FGD4: variants seen among roughly 807,000 people sequenced by gnomAD.
FGD4 encodes FYVE, RhoGEF and PH domain containing 4, also known as FYVE, RhoGEF and PH domain-containing protein 4.
In FGD4, 42 loss-of-function variants were observed where a neutral mutation model predicts 102.0. The observed-to-expected ratio is 0.41, with a 90% CI of 0.32 to 0.53. FGD4 has a LOEUF of 0.53. Ranked by LOEUF, FGD4 falls within the 20% of genes least tolerant of loss-of-function variation. The pLI, the probability that FGD4 is intolerant of heterozygous loss-of-function variation, is 0.21. For synonymous variants in FGD4, 380 were observed against 375.7 expected (o/e 1.01, Z -0.13); for missense variants, 902 against 1,078.2 (o/e 0.84, Z 2.29).
At position 32,526,649 on chromosome 12, in the gene FGD4, C is replaced by G. The variant is rs182073202; in HGVS notation, c.167-37488C>G. Among the ~76,000 whole-genome samples the G allele has an allele frequency of 1.2e-4, 18 of 152,334 alleles. No individual in the cohort carries two copies. In the East Asian group the frequency reaches 2.9e-3, roughly 24 times the overall value. ...CAACCTGCTCAGGTCCCCTTCCACA[C>G]TGTGGGAGCTTTGTTCTTTCGCTAT... On this transcript the variant is annotated intron_variant, in intron 1 of 16. Transcript: ENST00000534526.
chr12:32,607,688 T>C (rs867902026), intron 7 of FGD4, among the ~76,000 whole-genome samples: 18 of 152,228 alleles, frequency 1.2e-4, no homozygotes, highest in African/African-American at 2.9e-4. Flanking sequence ...CTAATTTTTG[T>C]ATTTTTAGTA....
intron 7 of FGD4, among the ~76,000 whole-genome samples, chr12:32,603,837 G>A (rs1345513684): frequency 6.6e-6 from 1 of 151,962 alleles, no homozygotes; most frequent in African/African-American, 2.4e-5. Flanking sequence ...CAGGTAGCTG[G>A]GACTACAGGC....
At chr12:32,481,062 G>A (rs554524487) in intron 1 of FGD4, among the ~76,000 whole-genome samples, 18 of 144,928 alleles carry the variant, frequency 1.2e-4, no homozygotes, top group African/African-American at 2.6e-4. Context: ...AGCAATCCCC[G>A]GCTTGCGGTG....
intron 1 of FGD4, among the ~76,000 whole-genome samples, chr12:32,417,250 T>A (rs1275002626): frequency 6.6e-6 from 1 of 152,186 alleles, no homozygotes; most frequent in African/African-American, 2.4e-5. Context: ...AGGACAGGTC[T>A]GGTGTTGACA....
chr12:32,465,242 C>T (rs908865462), intron 1 of FGD4, among the ~76,000 whole-genome samples: 3 of 150,966 alleles, frequency 2.0e-5, no homozygotes, highest in East Asian at 3.9e-4. Context: ...CATAAACAGT[C>T]GATTAATACA....
intron 1 of FGD4, among the ~76,000 whole-genome samples, chr12:32,474,616 C>T (rs867238551): frequency 2.0e-5 from 3 of 152,064 alleles, no homozygotes; most frequent in African/African-American, 2.4e-5. Flanking sequence ...AAAAGGTATA[C>T]GGTTCTTTTT....
intron 1 of FGD4, among the ~76,000 whole-genome samples, chr12:32,523,783 G>C (rs769529168): frequency 3.2e-4 from 49 of 151,964 alleles, no homozygotes; most frequent in Non-Finnish European, 5.3e-4. Context: ...GACCATCCTG[G>C]CTAACACGGT....
intron 1 of FGD4, among the ~76,000 whole-genome samples, chr12:32,436,791 CTACCAG>C (rs1942246246): frequency 1.3e-5 from 2 of 152,118 alleles, no homozygotes; most frequent in Non-Finnish European, 2.9e-5. Flanking sequence ...TGAACCTACA[CTACCAG>C]TACCATTACT....
In FGD4 at chr12:32,399,760, G is replaced by A. The variant is rs970299158; in HGVS notation, c.-34G>A. 2.0e-5 allele frequency: 31 copies of A among 1,526,200 alleles called. No homozygotes were observed. Among genetic ancestry groups the A allele is most frequent in the African/African-American group, 2.8e-5 (2 of 71,264 alleles). The allele number at this position is 1,526,200 out of a possible 1,614,324, so 94.5% of individuals were successfully genotyped here. A position where few individuals can be genotyped will look rare whatever the true frequency, so the allele number is the denominator to read the frequency against. ...GCCGCTCGCGGCTGGACGGGAGCGG[G>A]AGGAGTCGGGGAGCGGCGGTCGAGC... On this transcript the variant is annotated 5_prime_UTR_variant, in exon 1 of 17. Transcript: ENST00000534526.
At position 32,640,303 on chromosome 12, in the gene FGD4, C is replaced by T. The variant is rs1170709109; in HGVS notation, c.2482C>T (p.Leu828Phe). The change falls in exon 17 of 17, where the codon CTT becomes TTT. Residue 828 changes from leucine (L) to phenylalanine (F), a missense_variant. This residue lies in a region of FGD4 where 459 missense variants were observed against 619.0 expected (regional missense o/e 0.74). Coordinates refer to ENST00000534526, the MANE Select transcript of FGD4 (RefSeq NM_001370298.3). ...QDVRAQATIP[L>F]LGYVVDEMPR... The stretch of plus-strand genomic sequence containing the variant: ...CGTCAGAGCCCAGGCCACCATTCCA[C>T]TTCTGGGCTATGTGGTGGATGAAAT... 3 of 1,614,140 alleles carry T rather than the reference C, an allele frequency of 1.9e-6. No homozygotes were observed. The highest frequency in any genetic ancestry group is 2.7e-5 in the African/African-American group (2 of 74,948).
At chr12:32,402,151 A>G (rs1940699993) in intron 1 of FGD4, among the ~76,000 whole-genome samples, 1 of 124,354 alleles carries the variant, frequency 8.0e-6, no homozygotes, top group Non-Finnish European at 1.6e-5. Flanking sequence ...TTTTTTAAAG[A>G]GACGGGATTG....
intron 1 of FGD4, among the ~76,000 whole-genome samples, chr12:32,416,750 G>T (rs188979): frequency 0.54 from 82,520 of 151,886 alleles, 23,389 homozygotes; most frequent in African/African-American, 0.71. Flanking sequence ...TATTTCTGAT[G>T]GGTTCATGGT....
intron 14 of FGD4, among the ~76,000 whole-genome samples, chr12:32,630,612 T>C (rs1950443438): frequency 6.6e-6 from 1 of 152,046 alleles, no homozygotes; most frequent in Admixed American, 6.6e-5. Flanking sequence ...CAGGAGATCA[T>C]GACCATCCTG....
chr12:32,620,234 C>G (rs1175728495), intron 11 of FGD4, among the ~76,000 whole-genome samples: 2 of 152,160 alleles, frequency 1.3e-5, no homozygotes, highest in Non-Finnish European at 2.9e-5. Flanking sequence ...TTTATTGATG[C>G]TTATTATTCC....
chr12:32,595,602 C>G (rs542852018), intron 4 of FGD4, among the ~76,000 whole-genome samples: 1 of 152,130 alleles, frequency 6.6e-6, no homozygotes, highest in Admixed American at 6.5e-5. Context: ...CAGGGCCCCA[C>G]CTTTTGATCT....
intron 1 of FGD4, among the ~76,000 whole-genome samples, chr12:32,469,080 C>T (rs749391152): frequency 1.1e-4 from 17 of 152,168 alleles, no homozygotes; most frequent in Admixed American, 6.5e-4. Context: ...CCCTTATCAG[C>T]CTCCCAAAAT....
chr12:32,577,522 T>G (rs1177166442), intron 3 of FGD4, among the ~76,000 whole-genome samples: 1 of 152,252 alleles, frequency 6.6e-6, no homozygotes, highest in Non-Finnish European at 1.5e-5. Flanking sequence ...TAACAGATGT[T>G]GGTTCCTCCT....
At chr12:32,447,019 A>G (rs2136466076) in intron 1 of FGD4, among the ~76,000 whole-genome samples, 1 of 152,342 alleles carries the variant, frequency 6.6e-6, no homozygotes, top group African/African-American at 2.4e-5. Context: ...ACAAAAGGAT[A>G]AGGCAAAGCT....
chr12:32,466,374 T>A (rs10844207), intron 1 of FGD4, among the ~76,000 whole-genome samples: 145,828 of 152,052 alleles, frequency 0.96, 70,278 homozygotes, highest in East Asian at 1. Flanking sequence ...CAGGCTCAAG[T>A]CCCAGGACAG....
Sources: allele counts gnomAD v4.1 joint callset (sites outside exome capture counted in the v4.1 genomes callset), GRCh38; gene constraint gnomAD v4.1.1; regional missense constraint gnomAD v4.1.1; transcripts MANE v1.5; gene names NCBI Gene and HGNC (gene_info 2026-07-23, HGNC 2026-07-21).